LAMA2: variants seen among roughly 807,000 people sequenced by gnomAD.
LAMA2 encodes laminin subunit alpha 2.
In LAMA2, 269 loss-of-function variants were observed where a neutral mutation model predicts 364.8. That is an observed-to-expected ratio of 0.74 (90% CI 0.67 to 0.82). The LOEUF (loss-of-function observed/expected upper bound fraction) is 0.82. Among genes scored for constraint, LAMA2 ranks in the 40% least tolerant of loss-of-function variants. LAMA2 has a pLI of 0.00. For synonymous variants in LAMA2, 1,379 were observed against 1,370.6 expected (o/e 1.01, Z -0.14); for missense variants, 3,807 against 3,873.2 (o/e 0.98, Z 0.45).
chr6:129,209,769 T>C (rs111773367), intron 12 of LAMA2, among the ~76,000 whole-genome samples: 9,033 of 152,052 alleles, frequency 0.059, 430 homozygotes, highest in African/African-American at 0.13. Context: ...TTTGGGAGGC[T>C]GAGGCGGGCG....
intron 30 of LAMA2, among the ~76,000 whole-genome samples, chr6:129,345,572 G>A (rs1221887680): frequency 6.6e-6 from 1 of 152,062 alleles, no homozygotes; most frequent in Non-Finnish European, 1.5e-5. Context: ...GACCCTGAAA[G>A]AATCAAAATA....
At chr6:129,055,142 A>G (rs1307963001) in intron 2 of LAMA2, among the ~76,000 whole-genome samples, 3 of 146,268 alleles carry the variant, frequency 2.1e-5, no homozygotes, top group Non-Finnish European at 3.0e-5. Context: ...TTTCTAAACC[A>G]GTCACAGTCT....
chr6:129,413,576 T>C lies in LAMA2; in HGVS notation c.5865+9617T>C, dbSNP rs114695573. Among the ~76,000 whole-genome samples, 1,271 of 152,254 alleles carry C rather than the reference T, an allele frequency of 8.3e-3. 18 individuals carry two copies. The highest frequency in any genetic ancestry group is 0.029 in the African/African-American group (1,199 of 41,554). On this transcript the variant is annotated intron_variant, in intron 40 of 64. Coordinates refer to ENST00000421865, the MANE Select transcript of LAMA2 (RefSeq NM_000426.4). Reference sequence around the variant, plus strand: ...CCTAATGATCCAATAGCATCTAGACTACATCCTCTTATCATAATGCAATAC... The same window carrying C: ...CCTAATGATCCAATAGCATCTAGACCACATCCTCTTATCATAATGCAATAC...
intron 1 of LAMA2, among the ~76,000 whole-genome samples, chr6:129,014,463 T>C (rs1043018892): frequency 2.8e-4 from 42 of 152,172 alleles, no homozygotes; most frequent in African/African-American, 9.9e-4. Context: ...CATTTCAAGC[T>C]TTAGTTTTTC....
chr6:129,504,674 C>T (rs1214249872), intron 60 of LAMA2, among the ~76,000 whole-genome samples: 1 of 152,226 alleles, frequency 6.6e-6, no homozygotes, highest in African/African-American at 2.4e-5. Context: ...TACTCCCCCA[C>T]TTTGTACTCA....
At chr6:129,215,588 ATATT>A (rs960150934) in intron 12 of LAMA2, among the ~76,000 whole-genome samples, 69 of 152,228 alleles carry the variant, frequency 4.5e-4, no homozygotes, top group African/African-American at 1.6e-3. Context: ...AAATAAATAA[ATATT>A]TATTTATTTA....
At chr6:129,418,267 A>G (rs1780901069) in intron 40 of LAMA2, among the ~76,000 whole-genome samples, 1 of 152,114 alleles carries the variant, frequency 6.6e-6, no homozygotes, top group Non-Finnish European at 1.5e-5. Context: ...CCCAGGGAGC[A>G]GAAATATGGA....
chr6:129,295,879 A>G (rs1773147948), intron 20 of LAMA2, among the ~76,000 whole-genome samples: 1 of 151,956 alleles, frequency 6.6e-6, no homozygotes, highest in Admixed American at 6.6e-5. Context: ...AAAGATGAAT[A>G]CAAAGTATTA....
At chr6:129,163,020 C>T (rs1779531121) in intron 8 of LAMA2, among the ~76,000 whole-genome samples, 1 of 152,156 alleles carries the variant, frequency 6.6e-6, no homozygotes, top group Non-Finnish European at 1.5e-5. Context: ...GTTTGGCTTT[C>T]AAGCTTACCT....
At chr6:129,405,883 G>A (rs1780223755) in intron 40 of LAMA2, among the ~76,000 whole-genome samples, 3 of 151,784 alleles carry the variant, frequency 2.0e-5, no homozygotes, top group African/African-American at 4.9e-5. Context: ...GTATAGAAGA[G>A]TTCAAAGCTT....
chr6:129,385,310 GGGAAGGAA>G (rs147858586), intron 35 of LAMA2, among the ~76,000 whole-genome samples: 5,971 of 139,726 alleles, frequency 0.043, 378 homozygotes, highest in African/African-American at 0.15. Context: ...AAGAAGAAAA[GGGAAGGAA>G]GGAAGGAAGG....
At chr6:128,950,723 A>T (rs1780761185) in intron 1 of LAMA2, among the ~76,000 whole-genome samples, 1 of 152,014 alleles carries the variant, frequency 6.6e-6, no homozygotes, top group Non-Finnish European at 1.5e-5. Context: ...TATTGTGAGG[A>T]TTATATATAC....
rs551432240 is a variant in LAMA2 at position 129,492,509 on chromosome 6, C to G, written c.8244+26C>G. 6.2e-6 allele frequency: 10 copies of G among 1,604,964 alleles called. No homozygotes were observed. The Admixed American group carries it at 1.7e-4, about 27-fold the overall frequency. On this transcript the variant is annotated intron_variant, in intron 58 of 64. Transcript: ENST00000421865. ...GTAAGTGTTTATATTATCCCCATTG[C>G]TTTCTAATTTTTACCCAGTATTCTG...
chr6:129,394,791 G>C (rs1363548531), intron 37 of LAMA2, among the ~76,000 whole-genome samples: 1 of 152,174 alleles, frequency 6.6e-6, no homozygotes, highest in Non-Finnish European at 1.5e-5. Context: ...AGTACCTTTA[G>C]CTATTCGTTT....
intron 30 of LAMA2, among the ~76,000 whole-genome samples, chr6:129,347,625 T>C (rs570320906): frequency 6.6e-6 from 1 of 152,034 alleles, no homozygotes; most frequent in East Asian, 1.9e-4. Context: ...TGAGGGGAGT[T>C]TGGAATTAGC....
intron 1 of LAMA2, among the ~76,000 whole-genome samples, chr6:128,960,468 C>G (rs527632151): frequency 0.011 from 1,390 of 131,596 alleles, 31 homozygotes; most frequent in African/African-American, 0.045. Context: ...CCCCACCCCG[C>G]CCCCGCCGAC....
chr6:129,372,683 G>A (rs1197309665), intron 34 of LAMA2, among the ~76,000 whole-genome samples: 1 of 152,132 alleles, frequency 6.6e-6, no homozygotes, highest in Non-Finnish European at 1.5e-5. Context: ...ATTGCTGGAT[G>A]GTATGGTAAG....
chr6:129,034,983 C>T (rs1562172701), intron 1 of LAMA2, among the ~76,000 whole-genome samples: 1 of 152,044 alleles, frequency 6.6e-6, no homozygotes, highest in Non-Finnish European at 1.5e-5. Context: ...TAGTTCTTTT[C>T]CTTTGGGTAG....
intron 29 of LAMA2, among the ~76,000 whole-genome samples, chr6:129,333,590 A>G (rs1775780713): frequency 6.6e-6 from 1 of 152,194 alleles, no homozygotes; most frequent in Non-Finnish European, 1.5e-5. Flanking sequence ...AAATAACTTA[A>G]TATTAGCCAT....
Sources: gnomAD v4.1 joint callset for allele counts (sites outside exome capture counted in the v4.1 genomes callset) on GRCh38, gnomAD v4.1.1 for gene constraint, MANE v1.5 for transcripts, NCBI Gene and HGNC (gene_info 2026-07-23, HGNC 2026-07-21) for gene names.